Variants in CERS3 observed in about 807,000 individuals in gnomAD.
The protein encoded by CERS3 is LAG1 homolog, ceramide synthase 3.
CERS3 carries 33 observed loss-of-function variants against 50.3 expected under a neutral mutation model. That is an observed-to-expected ratio of 0.66 (90% CI 0.50 to 0.88). CERS3 has a LOEUF of 0.88. Ranked by LOEUF, CERS3 falls within the 40% of genes least tolerant of loss-of-function variation. The pLI is 0.00. For missense variants in CERS3, 470 were observed against 460.3 expected (o/e 1.02, Z -0.19); for synonymous variants, 176 against 155.2 (o/e 1.13, Z -0.99).
chr15:100,468,345 G>T (rs2034851599), intron 10 of CERS3, among the ~76,000 whole-genome samples: 1 of 152,142 alleles, frequency 6.6e-6, no homozygotes, highest in Non-Finnish European at 1.5e-5. Context: ...TGTGGAGTCA[G>T]GATTTAAATC....
At chr15:100,496,155 A>C (rs1201576014) in intron 3 of CERS3, among the ~76,000 whole-genome samples, 1 of 152,232 alleles carries the variant, frequency 6.6e-6, no homozygotes, top group Non-Finnish European at 1.5e-5. Context: ...ATACACTAAC[A>C]GTGCCTTGAA....
Position 100,401,747 on chromosome 15 carries a change from C to T in CERS3, c.*966G>A, listed in dbSNP as rs1294128605. The T allele has an allele frequency of 6.6e-6, 1 of 152,346 alleles. No homozygotes were observed. Among genetic ancestry groups the T allele is most frequent in the African/African-American group, 2.4e-5 (1 of 41,440 alleles). 9.4% of individuals were successfully genotyped at this position (152,346 alleles called of 1,614,324 possible). On this transcript the variant is annotated 3_prime_UTR_variant, in exon 12 of 12. Transcript: ENST00000679737. ...GATCCCATTCCCCCGTGGAGGTCCC[C>T]AGGTACTGTGCTGGCCTGAAGGAAG... is the stretch of plus-strand genomic sequence containing the variant.
chr15:100,452,166 G>A (rs1227466992), intron 11 of CERS3, among the ~76,000 whole-genome samples: 1 of 151,436 alleles, frequency 6.6e-6, no homozygotes, highest in Admixed American at 6.6e-5. Context: ...AATGGCTATA[G>A]AATACACATT....
chr15:100,533,364 GCA>G (rs1472426232), upstream of CERS3, among the ~76,000 whole-genome samples: 1 of 152,084 alleles, frequency 6.6e-6, no homozygotes, highest in Non-Finnish European at 1.5e-5. Context: ...ACAGTTCCTG[GCA>G]CAGAGTTGAC....
intron 11 of CERS3, among the ~76,000 whole-genome samples, chr15:100,416,428 A>C (rs1478513281): frequency 2.0e-5 from 3 of 152,254 alleles, no homozygotes; most frequent in Non-Finnish European, 4.4e-5. Flanking sequence ...CTGGCAAGCT[A>C]CAGAATGGGA....
chr15:100,471,828 T>C (rs2034978331), intron 9 of CERS3, among the ~76,000 whole-genome samples: 1 of 152,226 alleles, frequency 6.6e-6, no homozygotes, highest in African/African-American at 2.4e-5. Flanking sequence ...GGCCAGTTGC[T>C]TTGAAATGGC....
In CERS3 at chr15:100,501,890, C is replaced by T. The variant is rs1052208284; in HGVS notation, c.-1-40G>A. On this transcript the variant is annotated intron_variant, in intron 2 of 11. Coordinates refer to ENST00000679737, the MANE Select transcript of CERS3 (RefSeq NM_001378789.1). ...ACAGACATTAGGCTTGTAAAACAAA[C>T]ACGTAACTTTAGGATAACATTGATC... The T allele has an allele frequency of 2.5e-6, 4 of 1,597,422 alleles. No homozygotes were observed. The African/African-American group carries it at 5.4e-5, about 21-fold the overall frequency.
chr15:100,460,716 C>T (rs543270911), intron 10 of CERS3, among the ~76,000 whole-genome samples: 2 of 152,318 alleles, frequency 1.3e-5, no homozygotes, highest in South Asian at 2.1e-4. Context: ...GGGTCCTTCC[C>T]TTGTCTGGCT....
Position 100,401,808 on chromosome 15 carries a change from A to G in CERS3, c.*905T>C, listed in dbSNP as rs544113062. On this transcript the variant is annotated 3_prime_UTR_variant, in exon 12 of 12. Transcript: ENST00000679737. ...AGCAGCACAGAAGCTTCCCTCCTAG[A>G]AAGGAAAAAAGGGAAAGACCAGCAA... 10 of 152,438 alleles carry G rather than the reference A, an allele frequency of 6.6e-5. No individual in the cohort carries two copies. Among genetic ancestry groups the G allele is most frequent in the Admixed American group, 3.3e-4 (5 of 15,310 alleles). The allele number at this position is 152,438 out of a possible 1,614,324, so 9.4% of individuals were successfully genotyped here.
upstream of CERS3, among the ~76,000 whole-genome samples, chr15:100,529,762 G>A (rs1291514282): frequency 1.3e-5 from 2 of 152,224 alleles, no homozygotes; most frequent in African/African-American, 4.8e-5. Flanking sequence ...GCTTCAACAA[G>A]TTGATTCCTG....
At chr15:100,533,056 C>T (rs913501135), upstream of CERS3, among the ~76,000 whole-genome samples, 3 of 152,184 alleles carry the variant, frequency 2.0e-5, no homozygotes, top group Non-Finnish European at 4.4e-5. Flanking sequence ...CATCCTGGCC[C>T]AGGGTTGAAA....
chr15:100,407,078 T>C (rs1305199287), intron 11 of CERS3, among the ~76,000 whole-genome samples: 5 of 152,136 alleles, frequency 3.3e-5, no homozygotes, highest in Non-Finnish European at 4.4e-5. Flanking sequence ...CCTCCCATGA[T>C]ACATGGGAAT....
rs150161843 is a variant in CERS3, at chr15:100,434,661, G to C, written c.999+21232C>G. On this transcript the variant is annotated intron_variant, in intron 11 of 11. Transcript: ENST00000679737. ...AGCAGGGACAGTGCTGGCCAGCATG[G>C]GGCCTCCCTATACCTGTTTTTACCA... is the stretch of plus-strand genomic sequence containing the variant. 4.4e-3 allele frequency among the ~76,000 whole-genome samples: 676 copies of C among 152,138 alleles called. 6 individuals carry two copies. The highest frequency in any genetic ancestry group is 0.015 in the African/African-American group (640 of 41,504).
intron 10 of CERS3, among the ~76,000 whole-genome samples, chr15:100,460,824 C>A (rs560570695): frequency 1.3e-5 from 2 of 152,140 alleles, no homozygotes; most frequent in Non-Finnish European, 2.9e-5. Flanking sequence ...CACAGTCTAC[C>A]GGAGAATGTG....
chr15:100,494,599 T>C (rs1259998611), intron 3 of CERS3, among the ~76,000 whole-genome samples: 1 of 152,144 alleles, frequency 6.6e-6, no homozygotes, highest in African/African-American at 2.4e-5. Flanking sequence ...GAAGGCTTTA[T>C]TAGGTTAGCT....
chr15:100,494,488 C>T (rs2035753412), intron 3 of CERS3, among the ~76,000 whole-genome samples: 1 of 151,866 alleles, frequency 6.6e-6, no homozygotes, highest in African/African-American at 2.4e-5. Flanking sequence ...ACCTCATGAT[C>T]CACCCGCCTT....
intron 11 of CERS3, among the ~76,000 whole-genome samples, chr15:100,417,050 C>G (rs2031968352): frequency 6.6e-6 from 1 of 152,176 alleles, no homozygotes; most frequent in South Asian, 2.1e-4. Context: ...GTCAGAACGG[C>G]TATGAATAAA....
At position 100,483,778 on chromosome 15, in the gene CERS3, A is replaced by ATTTTTTTT. The variant is rs1300648690; in HGVS notation, c.407+771_407+772insAAAAAAAA. On this transcript the variant is annotated intron_variant, in intron 5 of 11. Transcript: ENST00000679737. ...AGAAGGATCAATAATAATAATAATT[A>ATTTTTTTT]TTATTATTATTTTTTTTTTTGAGAC... Among the ~76,000 whole-genome samples, 38 of 59,108 alleles carry ATTTTTTTT rather than the reference A, an allele frequency of 6.4e-4. 2 individuals carry two copies. Among genetic ancestry groups the ATTTTTTTT allele is most frequent in the East Asian group, 6.1e-3 (11 of 1,798 alleles). The allele number at this position is 59,108 out of a possible 152,430, so 38.8% of individuals were successfully genotyped here.
rs2035125598 is a variant in CERS3, at chr15:100,476,302, ATATTTCAATT to A, written c.517-134_517-125del. 8 of 491,328 alleles carry A rather than the reference ATATTTCAATT, an allele frequency of 1.6e-5. No individual in the cohort carries two copies. In the South Asian group the frequency reaches 2.4e-4, roughly 15 times the overall value. The allele number at this position is 491,328 out of a possible 1,614,324, so 30.4% of individuals were successfully genotyped here. A position where few individuals can be genotyped will look rare whatever the true frequency, so the allele number is the denominator to read the frequency against. ...AGATTCCATAAAATAACATTGACTG[ATATTTCAATT>A]TATATTTCAACGAAGGAATTAAAGA... On this transcript the variant is annotated intron_variant, in intron 7 of 11. Coordinates refer to ENST00000679737, the MANE Select transcript of CERS3 (RefSeq NM_001378789.1).
Sources: allele counts gnomAD v4.1 joint callset (sites outside exome capture counted in the v4.1 genomes callset), GRCh38; gene constraint gnomAD v4.1.1; transcripts MANE v1.5; gene names NCBI Gene and HGNC (gene_info 2026-07-23, HGNC 2026-07-21).